Variants in MZT2A observed in about 807,000 individuals in gnomAD.
MZT2A encodes mitotic-spindle organizing protein 2A.
A neutral mutation model predicts 12.4 loss-of-function variants in MZT2A; 8 were observed. The ratio of observed to expected loss-of-function variants is 0.64; its 90% CI spans 0.38 to 1.16. MZT2A has a LOEUF of 1.16. MZT2A is among the 50% of genes most tolerant of loss of function. The probability of loss-of-function intolerance (pLI) is 0.01; values close to 1 mark genes in which losing one functional copy is unlikely to be tolerated. For synonymous variants in MZT2A, 88 were observed against 107.5 expected (o/e 0.82, Z 1.12); for missense variants, 181 against 223.6 (o/e 0.81, Z 1.22).
At chr2:131,492,626 T>G (rs1313190395), upstream of MZT2A, 2 of 1,208,512 alleles carry the variant, frequency 1.7e-6, no homozygotes, top group Non-Finnish European at 2.1e-6. Context: ...TGCTTGGCGG[T>G]CAGGGCGTCC....
At chr2:131,481,562 G>A (rs142046008), downstream of MZT2A, among the ~76,000 whole-genome samples, 7,430 of 151,750 alleles carry the variant, frequency 0.049, 621 homozygotes, top group African/African-American at 0.17. Context: ...AGCCTCCCAA[G>A]TAGCTGGGAT....
At chr2:131,475,960 C>T in intron 2 of MZT2A, 1 of 725,386 alleles carries the variant, frequency 1.4e-6, no homozygotes, top group Non-Finnish European at 2.2e-6. Context: ...CCGCTGCCTT[C>T]CCGCCAATCC....
chr2:131,475,278 A>G (rs938576854), intron 2 of MZT2A, among the ~76,000 whole-genome samples: 6 of 142,766 alleles, frequency 4.2e-5, no homozygotes, highest in South Asian at 2.3e-4. Context: ...GGTGTGCCTG[A>G]CCCAACGTCT....
downstream of MZT2A, chr2:131,479,348 G>C (rs4065352): frequency 3.1e-5 from 49 of 1,599,938 alleles, 2 homozygotes; most frequent in South Asian, 5.5e-4. Context: ...TCTTCCACCC[G>C]GAGCAGCTGA....
At chr2:131,475,447 A>G (rs1678626934) in intron 2 of MZT2A, among the ~76,000 whole-genome samples, 1 of 145,794 alleles carries the variant, frequency 6.9e-6, no homozygotes, top group Non-Finnish European at 1.5e-5. Context: ...CTCCTACCTC[A>G]GCCTCCCGTG....
chr2:131,480,618 C>A (rs555593879), downstream of MZT2A: 16 of 1,613,576 alleles, frequency 9.9e-6, no homozygotes, highest in East Asian at 3.6e-4. Flanking sequence ...TGACCCTCGC[C>A]ACGGCAAGTA....
chr2:131,472,919 C>A (rs970353473), intron 2 of MZT2A, among the ~76,000 whole-genome samples: 2 of 151,390 alleles, frequency 1.3e-5, no homozygotes, highest in East Asian at 3.9e-4. Flanking sequence ...GTGTCCCCCC[C>A]CACCAATATT....
downstream of MZT2A, among the ~76,000 whole-genome samples, chr2:131,483,569 AGC>A (rs772698233): frequency 2.7e-4 from 39 of 146,306 alleles, no homozygotes; most frequent in Middle Eastern, 6.8e-3. Flanking sequence ...CAACAAAACT[AGC>A]CGGGTGTGGT....
At chr2:131,481,069 A>C (rs986067853), downstream of MZT2A, among the ~76,000 whole-genome samples, 5 of 151,740 alleles carry the variant, frequency 3.3e-5, no homozygotes, top group African/African-American at 1.2e-4. Context: ...ACGCCCGGCT[A>C]ATTTTTGTAT....
At chr2:131,493,318 C>T (rs1474869297), upstream of MZT2A, among the ~76,000 whole-genome samples, 3 of 152,204 alleles carry the variant, frequency 2.0e-5, no homozygotes, top group African/African-American at 7.2e-5. Context: ...TGCCACTCCT[C>T]TGGGCCATGC....
At chr2:131,478,686 A>G in intron 2 of MZT2A, 2 of 517,720 alleles carry the variant, frequency 3.9e-6, no homozygotes, top group East Asian at 3.3e-5. Context: ...TGCAGGGTGC[A>G]GTGGCATTGG....
At chr2:131,478,587 C>T in intron 2 of MZT2A, 1 of 956,530 alleles carries the variant, frequency 1.0e-6, no homozygotes, top group Non-Finnish European at 1.5e-6. Flanking sequence ...AAAACCTGAC[C>T]TACAGGGAAA....
rs762774815 is a variant in MZT2A at position 131,492,006 on chromosome 2, C to G, written c.189G>C (p.Leu63=). Residue 63 remains leucine, a synonymous_variant, in exon 2 of 3, where the codon CTG becomes CTC. Transcript: ENST00000309451. ...CGGCGAGGGGGGCCACGTTCAGCTTCAGCAGGTCCACCAGGATCCTGGCGG... is the reference window on the plus strand; with the variant it reads ...CGGCGAGGGGGGCCACGTTCAGCTTGAGCAGGTCCACCAGGATCCTGGCGG... ...PDVFKILVDL[L]KLNVAPLAVF... 6.5e-6 allele frequency: 10 copies of G among 1,543,098 alleles called. No homozygotes were observed. The East Asian group carries it at 2.4e-4, about 37-fold the overall frequency.
At chr2:131,470,364 G>A in intron 3 of MZT2A, 2 of 1,242,168 alleles carry the variant, frequency 1.6e-6, no homozygotes, top group East Asian at 5.6e-5. Flanking sequence ...AATTACAGAT[G>A]TTTTATGTTT....
downstream of MZT2A, chr2:131,479,960 T>C (rs1198929798): frequency 1.1e-5 from 15 of 1,399,200 alleles, no homozygotes; most frequent in Non-Finnish European, 1.3e-5. Flanking sequence ...TTATGGATGA[T>C]TTGAATCCAT....
rs376154825 is a variant in MZT2A, at chr2:131,490,325, G to A, written c.319+1551C>T. ...GTGGGAGTCTCTGTTTCAGCCTCCAGACTTCCTGTCCAGGTAGGGGACAAC... is the reference window on the plus strand; with the variant it reads ...GTGGGAGTCTCTGTTTCAGCCTCCAAACTTCCTGTCCAGGTAGGGGACAAC... On this transcript the variant is annotated intron_variant, in intron 2 of 2. Transcript: ENST00000309451. The A allele has an allele frequency of 4.8e-6, 5 of 1,034,882 alleles. No individual in the cohort carries two copies. The East Asian group carries it at 3.0e-4, about 62-fold the overall frequency. The allele number at this position is 1,034,882 out of a possible 1,614,324, so 64.1% of individuals were successfully genotyped here.
downstream of MZT2A, among the ~76,000 whole-genome samples, chr2:131,480,932 C>G (rs1253556801): frequency 2.0e-5 from 3 of 150,254 alleles, no homozygotes; most frequent in Admixed American, 1.3e-4. Flanking sequence ...TTGAGACAGT[C>G]TTGCTCTGTC....
chr2:131,490,806 T>G (rs12469517), intron 2 of MZT2A: 508,533 of 1,549,572 alleles, frequency 0.33, 95,368 homozygotes, highest in East Asian at 0.77. Flanking sequence ...CTGTGGAGCA[T>G]AACCAGAGAG....
chr2:131,484,259 C>T (rs763555151), intron 2 of MZT2A, 41 bp from the exon 3 acceptor site: 4 of 1,599,328 alleles, frequency 2.5e-6, no homozygotes, highest in Middle Eastern at 1.7e-4. Context: ...ATGGACGCGC[C>T]CCATAAATGC....
Sources: gnomAD v4.1 joint callset for allele counts (sites outside exome capture counted in the v4.1 genomes callset) on GRCh38, gnomAD v4.1.1 for gene constraint, MANE v1.5 for transcripts, NCBI Gene and HGNC (gene_info 2026-07-23, HGNC 2026-07-21) for gene names.